The following RGS20 variants were observed in gnomAD, a reference collection of about 807,000 sequenced individuals.
The protein encoded by RGS20 is regulator of G protein signaling 20.
Under a neutral mutation model 33.6 loss-of-function variants are expected in RGS20, and 30 were observed. That is an observed-to-expected ratio of 0.89 (90% CI 0.67 to 1.21). The LOEUF is 1.21. RGS20 is among the 50% of genes most tolerant of loss of function. The pLI is 0.00. For missense variants in RGS20, 472 were observed against 502.4 expected (o/e 0.94, Z 0.58); for synonymous variants, 208 against 197.9 (o/e 1.05, Z -0.43).
At chr8:53,920,431 A>T (rs923311364) in intron 2 of RGS20, among the ~76,000 whole-genome samples, 3 of 151,980 alleles carry the variant, frequency 2.0e-5, no homozygotes, top group African/African-American at 7.2e-5. Context: ...TTTTTAGTGG[A>T]ATTCTTAGGA....
At chr8:53,884,653 C>G (rs895072890) in intron 2 of RGS20, among the ~76,000 whole-genome samples, 1 of 152,210 alleles carries the variant, frequency 6.6e-6, no homozygotes, top group Non-Finnish European at 1.5e-5. Context: ...AGACTTCTGA[C>G]TCATTCCCCA....
chr8:53,879,646 A>G lies in RGS20; in HGVS notation c.510+44A>G, dbSNP rs1260093548. 3.6e-6 allele frequency: 5 copies of G among 1,377,984 alleles called. No individual in the cohort carries two copies. The South Asian group carries it at 6.2e-5, about 17-fold the overall frequency. 85.4% of individuals were successfully genotyped at this position (1,377,984 alleles called of 1,614,324 possible). On this transcript the variant is annotated intron_variant, in intron 2 of 5. Transcript: ENST00000297313. ...ACTACGCCCCACACCCAGCCTCCCC[A>G]GGACACCAGCCTCTCCCGATTCTTC...
intron 1 of RGS20, among the ~76,000 whole-genome samples, chr8:53,862,383 C>T (rs1811828960): frequency 6.6e-6 from 1 of 152,126 alleles, no homozygotes; most frequent in Non-Finnish European, 1.5e-5. Flanking sequence ...AGGTGGGAGA[C>T]TTGGGGTTCA....
chr8:53,866,374 G>A (rs988648837), intron 1 of RGS20, among the ~76,000 whole-genome samples: 3 of 151,496 alleles, frequency 2.0e-5, no homozygotes, highest in Admixed American at 2.0e-4. Context: ...GGAAGAGAAG[G>A]ACACATTTAC....
At chr8:53,913,983 T>TTTCCTTTCTTTTTTTCCTC (rs1813416266) in intron 2 of RGS20, 1 of 152,134 alleles carries the variant, frequency 6.6e-6, no homozygotes, top group African/African-American at 2.4e-5. Flanking sequence ...ATATTTTCCT[T>TTTCCTTTCTTTTTTTCCTC]TTCCTTTCTT....
At chr8:53,953,677 G>A (rs949168333) in intron 4 of RGS20, among the ~76,000 whole-genome samples, 3 of 152,136 alleles carry the variant, frequency 2.0e-5, no homozygotes, top group Non-Finnish European at 2.9e-5. Context: ...GAGGTTTAAT[G>A]TTGTCAAATC....
chr8:53,950,854 A>G (rs1814693309), intron 4 of RGS20, among the ~76,000 whole-genome samples: 1 of 152,130 alleles, frequency 6.6e-6, no homozygotes, highest in Non-Finnish European at 1.5e-5. Context: ...AGCTCAAGTG[A>G]TCTGTCCACC....
At chr8:53,873,942 T>A in intron 1 of RGS20, among the ~76,000 whole-genome samples, 1 of 152,152 alleles carries the variant, frequency 6.6e-6, no homozygotes, top group East Asian at 1.9e-4. Flanking sequence ...CTCACACCTG[T>A]AATCCCAGCC....
rs117327267 is a variant in RGS20 at position 53,926,389 on chromosome 8, G to A, written c.511-13187G>A. On this transcript the variant is annotated intron_variant, in intron 2 of 5. Transcript: ENST00000297313. The stretch of plus-strand genomic sequence containing the variant: ...GAATTTATGTATTTTTGGATTCTTG[G>A]TTCTCCTTCATCAGAAGCTTATCTA... Among the ~76,000 whole-genome samples the A allele has an allele frequency of 1.4e-4, 21 of 152,228 alleles. No individual in the cohort carries two copies. In the East Asian group the frequency reaches 3.5e-3, roughly 25 times the overall value.
At chr8:53,898,592 C>G (rs1812930387) in intron 2 of RGS20, among the ~76,000 whole-genome samples, 1 of 152,110 alleles carries the variant, frequency 6.6e-6, no homozygotes, top group Non-Finnish European at 1.5e-5. Flanking sequence ...CCTGTGGGCT[C>G]TAGATTACTT....
chr8:53,936,289 G>A (rs961538059), intron 2 of RGS20, among the ~76,000 whole-genome samples: 1 of 152,152 alleles, frequency 6.6e-6, no homozygotes, highest in Non-Finnish European at 1.5e-5. Flanking sequence ...TATCCAAATA[G>A]GAAGAGAGAG....
intron 1 of RGS20, among the ~76,000 whole-genome samples, chr8:53,870,673 T>C (rs1024345187): frequency 1.3e-5 from 2 of 152,158 alleles, no homozygotes; most frequent in African/African-American, 4.8e-5. Context: ...ACTTGACTCA[T>C]TCTCCCTGGC....
At chr8:53,867,026 G>A (rs1354931470) in intron 1 of RGS20, among the ~76,000 whole-genome samples, 3 of 152,050 alleles carry the variant, frequency 2.0e-5, no homozygotes, top group Non-Finnish European at 1.5e-5. Context: ...GACCATCTTC[G>A]GCACAGATGA....
chr8:53,888,886 C>A (rs11994972), intron 2 of RGS20, among the ~76,000 whole-genome samples: 1 of 152,128 alleles, frequency 6.6e-6, no homozygotes, highest in African/African-American at 2.4e-5. Flanking sequence ...TGTTGTTGTA[C>A]GTGTTGTTAT....
At chr8:53,944,212 T>C (rs552793827) in intron 3 of RGS20, among the ~76,000 whole-genome samples, 3 of 152,174 alleles carry the variant, frequency 2.0e-5, no homozygotes, top group Non-Finnish European at 2.9e-5. Context: ...AAATCATGAA[T>C]AAGGCAAAAT....
intron 3 of RGS20, among the ~76,000 whole-genome samples, chr8:53,941,730 G>A (rs899285335): frequency 1.3e-5 from 2 of 152,060 alleles, no homozygotes; most frequent in Non-Finnish European, 2.9e-5. Flanking sequence ...TTACCAACAC[G>A]TGATAAAAGT....
intron 2 of RGS20, among the ~76,000 whole-genome samples, chr8:53,934,684 A>T (rs1458631556): frequency 6.6e-6 from 1 of 152,198 alleles, no homozygotes; most frequent in East Asian, 1.9e-4. Flanking sequence ...CCCCACTGTC[A>T]ATATTAGACA....
intron 3 of RGS20, 140 bp downstream of exon 2, chr8:53,939,864 GACACACAGGGACACCCAAGAAATA>G (rs1814240204): frequency 3.3e-6 from 3 of 904,594 alleles, no homozygotes; most frequent in Non-Finnish European, 4.8e-6. Context: ...CTATATGCCT[GACACACAGGGACACCCAAGAAATA>G]ACAACAGGCT....
chr8:53,886,175 C>T (rs926770115), intron 2 of RGS20, among the ~76,000 whole-genome samples: 2 of 152,164 alleles, frequency 1.3e-5, no homozygotes, highest in African/African-American at 4.8e-5. Context: ...ACTGACTACA[C>T]GGCACCATCT....
Sources: gnomAD v4.1 joint callset for allele counts (sites outside exome capture counted in the v4.1 genomes callset) on GRCh38, gnomAD v4.1.1 for gene constraint, MANE v1.5 for transcripts, NCBI Gene and HGNC (gene_info 2026-07-23, HGNC 2026-07-21) for gene names.